KCNH7: variants seen among roughly 807,000 people sequenced by gnomAD.
KCNH7 encodes the protein potassium voltage-gated channel subfamily H member 7, also known as voltage-gated inwardly rectifying potassium channel KCNH7.
A neutral mutation model predicts 120.8 loss-of-function variants in KCNH7; 49 were observed. That is an observed-to-expected ratio of 0.41 (90% confidence interval 0.32 to 0.51). The LOEUF is 0.51. KCNH7 is among the 20% of genes least tolerant of loss of function. The pLI is 0.38. For synonymous variants in KCNH7, 547 were observed against 516.1 expected, an observed-to-expected ratio of 1.06 and a Z score of -0.81; for missense variants, 1,097 against 1,446.6, an observed-to-expected ratio of 0.76 and a Z score of 3.92.
At chr2:162,605,035 TC>T (rs1457144024) in intron 2 of KCNH7, among the ~76,000 whole-genome samples, 2 of 152,018 alleles carry the variant, frequency 1.3e-5, no homozygotes, top group Non-Finnish European at 2.9e-5. Context: ...CATAAATGAG[TC>T]CTAAAAATCT....
At chr2:162,661,244 A>G (rs1325979531) in intron 2 of KCNH7, among the ~76,000 whole-genome samples, 1 of 152,162 alleles carries the variant, frequency 6.6e-6, no homozygotes, top group African/African-American at 2.4e-5. Flanking sequence ...GTTAGGAAAA[A>G]TAAAATCAAT....
At chr2:162,701,386 T>G (rs1017121700) in intron 2 of KCNH7, among the ~76,000 whole-genome samples, 5 of 152,064 alleles carry the variant, frequency 3.3e-5, no homozygotes, top group African/African-American at 1.2e-4. Context: ...TCATAATCTA[T>G]TTTCTATCTT....
chr2:162,609,713 T>C (rs1179254999), intron 2 of KCNH7, among the ~76,000 whole-genome samples: 1 of 151,928 alleles, frequency 6.6e-6, no homozygotes, highest in Non-Finnish European at 1.5e-5. Context: ...TGGCAGAAAG[T>C]AGAAGAAAGG....
intron 2 of KCNH7, among the ~76,000 whole-genome samples, chr2:162,689,291 C>T (rs1686017055): frequency 6.6e-6 from 1 of 152,024 alleles, no homozygotes; most frequent in Admixed American, 6.6e-5. Context: ...GCTGGGATTA[C>T]AGGCATCCAC....
rs565394268 is a variant in KCNH7, at chr2:162,580,669, T to C, written c.308-43589A>G. ...TGTCCTGGATGAGCAATTAATTATT[T>C]GGGTTAAAAGAAAGAGGACTGGAGA... On this transcript the variant is annotated intron_variant, in intron 2 of 15. Transcript: ENST00000332142. Among the ~76,000 whole-genome samples the C allele has an allele frequency of 5.3e-5, 8 of 152,144 alleles. No homozygotes were observed. In the South Asian group the frequency reaches 1.7e-3, roughly 31 times the overall value.
chr2:162,779,444 C>G (rs1490077755), intron 2 of KCNH7, among the ~76,000 whole-genome samples: 1 of 152,104 alleles, frequency 6.6e-6, no homozygotes, highest in Non-Finnish European at 1.5e-5. Context: ...CATGATCCAC[C>G]TGCCTCAGCC....
chr2:162,424,322 C>A (rs1335886458), intron 8 of KCNH7, among the ~76,000 whole-genome samples: 1 of 152,148 alleles, frequency 6.6e-6, no homozygotes, highest in Non-Finnish European at 1.5e-5. Context: ...GTGCTTCTTA[C>A]ACTAAATCTT....
intron 2 of KCNH7, among the ~76,000 whole-genome samples, chr2:162,762,165 C>G (rs1302775166): frequency 1.3e-5 from 2 of 151,774 alleles, no homozygotes; most frequent in Non-Finnish European, 2.9e-5. Context: ...TTTTATTTTC[C>G]CTGACTAGAG....
intron 2 of KCNH7, among the ~76,000 whole-genome samples, chr2:162,768,398 C>T (rs140043709): frequency 0.017 from 2,537 of 152,080 alleles, 62 homozygotes; most frequent in African/African-American, 0.053. Context: ...CCAACAGCAT[C>T]GATCATCTAG....
At chr2:162,805,199 A>G (rs1204802771) in intron 2 of KCNH7, among the ~76,000 whole-genome samples, 2 of 152,134 alleles carry the variant, frequency 1.3e-5, no homozygotes, top group Non-Finnish European at 2.9e-5. Flanking sequence ...CTAAAGCCCC[A>G]AAAGCAAATG....
At chr2:162,388,304 T>C (rs1453473024) in intron 12 of KCNH7, among the ~76,000 whole-genome samples, 1 of 151,754 alleles carries the variant, frequency 6.6e-6, no homozygotes, top group Non-Finnish European at 1.5e-5. Context: ...ATAGTAAATG[T>C]ATTATATACT....
At chr2:162,456,610 G>T (rs1330087694) in intron 6 of KCNH7, among the ~76,000 whole-genome samples, 1 of 152,094 alleles carries the variant, frequency 6.6e-6, no homozygotes, top group Non-Finnish European at 1.5e-5. Flanking sequence ...GGGTGTTAAA[G>T]TCTCCCACTA....
chr2:162,809,909 C>CTTTT (rs748538332), intron 2 of KCNH7, among the ~76,000 whole-genome samples: 67 of 51,222 alleles, frequency 1.3e-3, no homozygotes, highest in Admixed American at 1.6e-3. Flanking sequence ...CTCACCTATT[C>CTTTT]TTTTTTTTTT....
At chr2:162,470,098 G>A (rs1353663094) in intron 6 of KCNH7, among the ~76,000 whole-genome samples, 1 of 152,202 alleles carries the variant, frequency 6.6e-6, no homozygotes, top group East Asian at 1.9e-4. Context: ...CTCCCAAAGT[G>A]CCGAGATTGC....
At chr2:162,417,212 T>C (rs1687567669) in intron 9 of KCNH7, among the ~76,000 whole-genome samples, 1 of 152,180 alleles carries the variant, frequency 6.6e-6, no homozygotes, top group African/African-American at 2.4e-5. Flanking sequence ...ATGCTTTGAT[T>C]CCATTAGGTT....
chr2:162,448,481 G>T (rs1688659758), intron 6 of KCNH7, among the ~76,000 whole-genome samples: 1 of 152,024 alleles, frequency 6.6e-6, no homozygotes, highest in Non-Finnish European at 1.5e-5. Flanking sequence ...TTTTTGAGCT[G>T]CTGAGATCTT....
chr2:162,608,088 G>A (rs553761675), intron 2 of KCNH7, among the ~76,000 whole-genome samples: 1 of 152,236 alleles, frequency 6.6e-6, no homozygotes, highest in Non-Finnish European at 1.5e-5. Context: ...AGTTGCGGGT[G>A]TACTTGGACT....
chr2:162,580,827 A>AC (rs1693841822), intron 2 of KCNH7, among the ~76,000 whole-genome samples: 1 of 152,036 alleles, frequency 6.6e-6, no homozygotes, highest in African/African-American at 2.4e-5. Context: ...AAGGAGAGCA[A>AC]CCCTGTGGGA....
intron 6 of KCNH7, among the ~76,000 whole-genome samples, chr2:162,503,041 A>G (rs1302107495): frequency 1.3e-5 from 2 of 152,126 alleles, no homozygotes; most frequent in Non-Finnish European, 2.9e-5. Flanking sequence ...TTGGTCAAGC[A>G]TTTCTGCCTA....
Sources: allele counts gnomAD v4.1 joint callset (sites outside exome capture counted in the v4.1 genomes callset), GRCh38; gene constraint gnomAD v4.1.1; transcripts MANE v1.5; gene names NCBI Gene and HGNC (gene_info 2026-07-23, HGNC 2026-07-21).